Variants in PLD1 observed in about 807,000 individuals in gnomAD.
PLD1 encodes the protein phospholipase D1.
PLD1 carries 112 observed loss-of-function variants against 137.1 expected under a neutral mutation model. The ratio of observed to expected loss-of-function variants is 0.82; its 90% CI spans 0.70 to 0.96. The LOEUF (loss-of-function observed/expected upper bound fraction) is 0.96, where lower values mean the gene tolerates loss of function less well. PLD1 is among the 40% of genes least tolerant of loss of function. PLD1 has a pLI of 0.00. For missense variants in PLD1, 1,321 were observed against 1,342.0 expected (o/e 0.98, Z 0.24); for synonymous variants, 431 against 454.7 (o/e 0.95, Z 0.66).
intron 1 of PLD1, chr3:171,792,898 A>G (rs1578477740): frequency 1.5e-5 from 5 of 329,186 alleles, no homozygotes; most frequent in Non-Finnish European, 3.0e-5. Context: ...GCCCACGGTC[A>G]TCAACAAGGA....
At chr3:171,646,048 T>C (rs1430599278) in intron 21 of PLD1, among the ~76,000 whole-genome samples, 1 of 152,126 alleles carries the variant, frequency 6.6e-6, no homozygotes, top group Admixed American at 6.5e-5. Flanking sequence ...AAGAAGAAAG[T>C]GTAGCTTTCT....
intron 23 of PLD1, among the ~76,000 whole-genome samples, chr3:171,622,763 C>T (rs1277531966): frequency 6.6e-6 from 1 of 150,884 alleles, no homozygotes; most frequent in Non-Finnish European, 1.5e-5. Context: ...GTAAAGTCAT[C>T]TTCACTTGCA....
chr3:171,642,682 C>T (rs1735865554), intron 23 of PLD1, among the ~76,000 whole-genome samples, 158 bp downstream of exon 23: 1 of 151,724 alleles, frequency 6.6e-6, no homozygotes, highest in African/African-American at 2.4e-5. Context: ...ATGGTTTGGG[C>T]AACTTAATGA....
At chr3:171,806,188 T>C (rs1321449159) in intron 1 of PLD1, among the ~76,000 whole-genome samples, 1 of 152,256 alleles carries the variant, frequency 6.6e-6, no homozygotes, top group Non-Finnish European at 1.5e-5. Context: ...TAATTCATTT[T>C]ATTCTGTCGT....
intron 1 of PLD1, 27 bp from the exon 2 acceptor site, chr3:171,738,109 G>C: frequency 7.4e-7 from 1 of 1,357,762 alleles, no homozygotes; most frequent in Non-Finnish European, 1.0e-6. Flanking sequence ...CGGTTACAAA[G>C]ACTTAGCATT....
intron 1 of PLD1, among the ~76,000 whole-genome samples, chr3:171,747,441 C>T (rs549800471): frequency 7.9e-5 from 12 of 151,412 alleles, no homozygotes; most frequent in Admixed American, 2.6e-4. Flanking sequence ...ACTGCTTTGC[C>T]TTCTTCCCTG....
At chr3:171,639,438 A>G (rs1735454965) in intron 23 of PLD1, among the ~76,000 whole-genome samples, 1 of 123,566 alleles carries the variant, frequency 8.1e-6, no homozygotes, top group Non-Finnish European at 1.6e-5. Flanking sequence ...TTTATATATT[A>G]TATAAAATTA....
intron 1 of PLD1, among the ~76,000 whole-genome samples, chr3:171,798,368 T>A (rs925404066): frequency 6.6e-6 from 1 of 152,200 alleles, no homozygotes; most frequent in Admixed American, 6.5e-5. Flanking sequence ...CAATTTTAAA[T>A]TATGGTCAAA....
At chr3:171,673,997 A>G (rs962992451) in intron 19 of PLD1, among the ~76,000 whole-genome samples, 2 of 152,202 alleles carry the variant, frequency 1.3e-5, no homozygotes, top group Non-Finnish European at 2.9e-5. Flanking sequence ...GAGCCCCACT[A>G]GGTCTGAATT....
At chr3:171,666,719 A>G (rs937391082) in intron 19 of PLD1, among the ~76,000 whole-genome samples, 5 of 152,250 alleles carry the variant, frequency 3.3e-5, no homozygotes, top group Non-Finnish European at 5.9e-5. Context: ...ACATGCAAAA[A>G]TATAGCTTAT....
chr3:171,659,929 A>G (rs1335934488), intron 20 of PLD1, among the ~76,000 whole-genome samples: 1 of 152,222 alleles, frequency 6.6e-6, no homozygotes, highest in Non-Finnish European at 1.5e-5. Flanking sequence ...TACTTCTGCT[A>G]TTTATATATC....
intron 1 of PLD1, among the ~76,000 whole-genome samples, chr3:171,756,295 A>C (rs983678459): frequency 1.3e-5 from 2 of 152,218 alleles, no homozygotes; most frequent in African/African-American, 4.8e-5. Context: ...TTGTAGGATA[A>C]GTAACATCAC....
At position 171,708,831 on chromosome 3, in the gene PLD1, T is replaced by C. The variant is rs1716910063; in HGVS notation, c.1069A>G (p.Asn357Asp). The C allele has an allele frequency of 6.4e-7, 1 of 1,563,104 alleles. No homozygotes were observed. Among genetic ancestry groups the C allele is most frequent in the Non-Finnish European group, 8.8e-7 (1 of 1,133,506 alleles). ...ACATCTTCAAAATATCCTTTGGCAT[T>C]AACATACCTGAAAGACAAGTTTATT... is the stretch of plus-strand genomic sequence containing the variant. Reference protein sequence around the residue: ...QENALAKWYVNAKGYFEDVAN... With the variant: ...QENALAKWYVDAKGYFEDVAN... The change falls in exon 11 of 27, where the codon AAT (asparagine) becomes GAT (aspartate). Residue 357 changes from asparagine to aspartate, a missense_variant. Transcript: ENST00000351298.
At chr3:171,723,964 G>GATTT (rs1190077252) in intron 8 of PLD1, among the ~76,000 whole-genome samples, 2 of 152,004 alleles carry the variant, frequency 1.3e-5, no homozygotes, top group Non-Finnish European at 2.9e-5. Context: ...AACTTGATGT[G>GATTT]ATTTATTCCT....
intron 14 of PLD1, among the ~76,000 whole-genome samples, chr3:171,688,420 G>A (rs1714790439): frequency 6.6e-6 from 1 of 152,118 alleles, no homozygotes; most frequent in Admixed American, 6.5e-5. Context: ...CTGAATATGG[G>A]ACAGCCAAAA....
At chr3:171,700,594 C>T (rs1210973253) in intron 11 of PLD1, among the ~76,000 whole-genome samples, 1 of 152,176 alleles carries the variant, frequency 6.6e-6, no homozygotes, top group Non-Finnish European at 1.5e-5. Context: ...AAAATACATC[C>T]TCAGTGTTTA....
intron 1 of PLD1, among the ~76,000 whole-genome samples, chr3:171,747,552 C>T (rs1429538628): frequency 6.6e-6 from 1 of 151,388 alleles, no homozygotes; most frequent in Non-Finnish European, 1.5e-5. Context: ...ATACAGGAAA[C>T]TTGAGCTAGG....
chr3:171,776,314 C>A (rs1222143991), intron 1 of PLD1, among the ~76,000 whole-genome samples: 4 of 152,196 alleles, frequency 2.6e-5, no homozygotes, highest in African/African-American at 7.2e-5. Flanking sequence ...AGAACCTGAT[C>A]GCAAGAGGTG....
chr3:171,603,220 T>C lies in PLD1; in HGVS notation c.3083A>G (p.Glu1028Gly), dbSNP rs1731953547. Residue 1028 changes from glutamate (E) to glycine (G), a missense_variant, in exon 27 of 27, where the codon GAA (glutamate) becomes GGA (glycine). By Grantham distance (98) the Glu-to-Gly change is moderately conservative (BLOSUM62 -2). Coordinates refer to ENST00000351298, the MANE Select transcript of PLD1 (RefSeq NM_002662.5). ...TTCCTCCTCAGCTCGAATGGGATCT[T>C]CCTTAGCTAATACGGGCTTGTTTAT... is the stretch of plus-strand genomic sequence containing the variant. ...DFINKPVLAK[E>G]DPIRAEEELK... 1 of 1,613,972 alleles carries C rather than the reference T, an allele frequency of 6.2e-7. No individual in the cohort carries two copies. The highest frequency in any genetic ancestry group is 1.1e-5 in the South Asian group (1 of 91,088).
Sources: allele counts gnomAD v4.1 joint callset (sites outside exome capture counted in the v4.1 genomes callset), GRCh38; gene constraint gnomAD v4.1.1; transcripts MANE v1.5; gene names NCBI Gene and HGNC (gene_info 2026-07-23, HGNC 2026-07-21).